PALM2AKAP2: variants seen among roughly 807,000 people sequenced by gnomAD.
PALM2AKAP2 encodes the protein PALM2 and AKAP2 fusion, also known as PALM2-AKAP2 fusion protein.
In PALM2AKAP2, 37 loss-of-function variants were observed where a neutral mutation model predicts 71.5. That is an observed-to-expected ratio of 0.52 (90% confidence interval 0.40 to 0.68). The LOEUF (loss-of-function observed/expected upper bound fraction) is 0.68. Ranked by LOEUF, PALM2AKAP2 falls within the 30% of genes least tolerant of loss-of-function variation. The probability of loss-of-function intolerance (pLI) is 0.00; values close to 1 mark genes in which losing one functional copy is unlikely to be tolerated. For missense variants in PALM2AKAP2, 1,224 were observed against 1,191.8 expected (o/e 1.03, Z -0.40); for synonymous variants, 468 against 478.8 (o/e 0.98, Z 0.29).
At chr9:110,120,976 C>G (rs1158120368) in intron 1 of PALM2AKAP2, among the ~76,000 whole-genome samples, 1 of 152,078 alleles carries the variant, frequency 6.6e-6, no homozygotes, top group Non-Finnish European at 1.5e-5. Context: ...TAGTGCATGA[C>G]ATAGCTGAGG....
At chr9:110,132,693 G>A (rs1835761231) in intron 1 of PALM2AKAP2, among the ~76,000 whole-genome samples, 2 of 151,890 alleles carry the variant, frequency 1.3e-5, no homozygotes, top group Admixed American at 6.6e-5. Flanking sequence ...TTGGCTCACA[G>A]CAACCTCCGC....
intron 1 of PALM2AKAP2, among the ~76,000 whole-genome samples, chr9:109,802,161 G>A (rs1198650017): frequency 2.6e-5 from 4 of 152,142 alleles, no homozygotes; most frequent in Non-Finnish European, 5.9e-5. Context: ...AATAATCCTA[G>A]TCTTAATTTT....
At chr9:109,651,742 G>A (rs886347911) in intron 1 of PALM2AKAP2, among the ~76,000 whole-genome samples, 1 of 152,148 alleles carries the variant, frequency 6.6e-6, no homozygotes, top group Admixed American at 6.5e-5. Flanking sequence ...AGATATCAAA[G>A]TGCTCATTTA....
intron 1 of PALM2AKAP2, among the ~76,000 whole-genome samples, chr9:110,050,695 T>G (rs536470361): frequency 9.2e-5 from 14 of 152,306 alleles, no homozygotes; most frequent in Non-Finnish European, 1.6e-4. Flanking sequence ...TGGCATGATC[T>G]TGGCTCACTA....
chr9:109,724,085 C>T (rs1479505884), intron 1 of PALM2AKAP2, among the ~76,000 whole-genome samples: 1 of 152,062 alleles, frequency 6.6e-6, no homozygotes, highest in African/African-American at 2.4e-5. Flanking sequence ...TGAAGGCTTA[C>T]AGAGAACACA....
In PALM2AKAP2 at chr9:110,066,936, G is replaced by A. The variant is rs182005105; in HGVS notation, c.156+18081G>A. Among the ~76,000 whole-genome samples, 842 of 152,110 alleles carry A rather than the reference G, an allele frequency of 5.5e-3. 7 individuals are homozygous for A. Among genetic ancestry groups the A allele is most frequent in the Non-Finnish European group, 0.01 (693 of 67,978 alleles). ...TTTACCTCCTTTTCAGATTATGATA[G>A]TTTTAGCAAAGAAGTATTCAGTTCT... On this transcript the variant is annotated intron_variant, in intron 1 of 3. Transcript: ENST00000374525.
At chr9:109,943,506 T>G in intron 6 of PALM2AKAP2, 1 of 1,489,286 alleles carries the variant, frequency 6.7e-7, no homozygotes, top group Non-Finnish European at 8.9e-7. Context: ...CTAACTGCAA[T>G]ACTGTGAACT....
At chr9:110,071,931 G>A (rs1044129009) in intron 1 of PALM2AKAP2, among the ~76,000 whole-genome samples, 1 of 152,144 alleles carries the variant, frequency 6.6e-6, no homozygotes, top group Non-Finnish European at 1.5e-5. Context: ...TTGGCTATCT[G>A]TGATTTTCTC....
intron 7 of PALM2AKAP2, among the ~76,000 whole-genome samples, chr9:110,032,394 A>G (rs1354720079): frequency 6.6e-6 from 1 of 152,006 alleles, no homozygotes; most frequent in Admixed American, 6.6e-5. Context: ...CATCATCTCT[A>G]CTTAAAGAAA....
chr9:109,844,623 G>A (rs1157573166), intron 1 of PALM2AKAP2, among the ~76,000 whole-genome samples: 1 of 152,212 alleles, frequency 6.6e-6, no homozygotes, highest in African/African-American at 2.4e-5. Context: ...AATAAAAGGT[G>A]TATTTAAGAA....
intron 1 of PALM2AKAP2, among the ~76,000 whole-genome samples, chr9:110,119,485 G>C (rs1211864506): frequency 6.6e-6 from 1 of 152,084 alleles, no homozygotes; most frequent in Non-Finnish European, 1.5e-5. Flanking sequence ...TTCTATGGTT[G>C]TAGTATAAAT....
chr9:109,779,658 C>T (rs1337501734), upstream of PALM2AKAP2, among the ~76,000 whole-genome samples: 1 of 152,232 alleles, frequency 6.6e-6, no homozygotes. Context: ...CCACATATCG[C>T]CTCACCAGAA....
At chr9:110,065,916 A>G (rs1273775327) in intron 1 of PALM2AKAP2, among the ~76,000 whole-genome samples, 1 of 152,188 alleles carries the variant, frequency 6.6e-6, no homozygotes, top group Non-Finnish European at 1.5e-5. Context: ...ATAATGTCCC[A>G]TTGTGTTTAT....
chr9:110,137,770 T>G (rs982440019), exon 2 of PALM2AKAP2: 12 of 1,614,152 alleles, frequency 7.4e-6, no homozygotes, highest in Non-Finnish European at 1.0e-5. Flanking sequence ...AGACAACCAA[T>G]GCCCTCCAGG....
At chr9:109,960,710 A>C (rs139674792) in intron 6 of PALM2AKAP2, among the ~76,000 whole-genome samples, 1,593 of 152,254 alleles carry the variant, frequency 0.01, 13 homozygotes, top group Non-Finnish European at 0.017. Context: ...CAGAAAAGGA[A>C]ATTGTAGTTT....
intron 7 of PALM2AKAP2, among the ~76,000 whole-genome samples, chr9:110,042,189 G>A (rs1564274740): frequency 6.6e-6 from 1 of 152,300 alleles, no homozygotes; most frequent in East Asian, 1.9e-4. Flanking sequence ...CACTTTGGGA[G>A]GCCGAAGCTT....
chr9:109,642,538 A>C (rs1241885599), intron 1 of PALM2AKAP2, among the ~76,000 whole-genome samples: 1 of 150,044 alleles, frequency 6.7e-6, no homozygotes, highest in Non-Finnish European at 1.5e-5. Context: ...TACAGCATTT[A>C]TTGGGGTTTC....
chr9:109,682,179 C>T (rs1478864996), intron 1 of PALM2AKAP2, among the ~76,000 whole-genome samples: 4 of 152,260 alleles, frequency 2.6e-5, no homozygotes, highest in South Asian at 2.1e-4. Flanking sequence ...ATGAGAAGTG[C>T]ATGGATTGAT....
chr9:109,978,801 T>G (rs1198339330), intron 6 of PALM2AKAP2, among the ~76,000 whole-genome samples: 2 of 146,906 alleles, frequency 1.4e-5, no homozygotes. Context: ...TTCCAGAGCT[T>G]TTTATTAAAA....
Sources: gnomAD v4.1 joint callset for allele counts (sites outside exome capture counted in the v4.1 genomes callset) on GRCh38, gnomAD v4.1.1 for gene constraint, MANE v1.5 for transcripts, NCBI Gene and HGNC (gene_info 2026-07-23, HGNC 2026-07-21) for gene names.